HSD17B2: variants seen among roughly 807,000 people sequenced by gnomAD.
The protein encoded by HSD17B2 is hydroxysteroid 17-beta dehydrogenase 2.
In HSD17B2, 32 loss-of-function variants were observed where a neutral mutation model predicts 26.9. The observed-to-expected ratio is 1.19, with a 90% CI of 0.90 to 1.60. The LOEUF (loss-of-function observed/expected upper bound fraction) is 1.60, where lower values mean the gene tolerates loss of function less well. HSD17B2 is among the 40% of genes most tolerant of loss of function. HSD17B2 has a pLI of 0.00. For synonymous variants in HSD17B2, 246 were observed against 186.7 expected, an observed-to-expected ratio of 1.32 and a Z score of -2.59; for missense variants, 613 against 468.6, an observed-to-expected ratio of 1.31 and a Z score of -2.85.
intron 1 of HSD17B2, among the ~76,000 whole-genome samples, chr16:82,064,625 A>G (rs1213789873): frequency 2.6e-5 from 4 of 152,218 alleles, no homozygotes; most frequent in Non-Finnish European, 2.9e-5. Context: ...AGTAAGTGAA[A>G]AAGATGTTCA....
chr16:82,039,248 TACACACACACACACAC>T (rs56169712), intron 1 of HSD17B2, among the ~76,000 whole-genome samples: 1 of 145,288 alleles, frequency 6.9e-6, no homozygotes, highest in African/African-American at 2.6e-5. Context: ...TGGAAAATAA[TACACACACACACACAC>T]ACACACACGC....
chr16:82,088,741 G>A (rs919204476), intron 3 of HSD17B2, among the ~76,000 whole-genome samples: 5 of 152,160 alleles, frequency 3.3e-5, no homozygotes, highest in African/African-American at 7.2e-5. Context: ...ATAAAAATCC[G>A]CTGGCCATCT....
At chr16:82,062,566 A>G (rs563064956) in intron 1 of HSD17B2, among the ~76,000 whole-genome samples, 3 of 152,228 alleles carry the variant, frequency 2.0e-5, no homozygotes, top group Non-Finnish European at 4.4e-5. Flanking sequence ...GCCTGGCTCC[A>G]AACTACCTCT....
chr16:82,083,389 G>C (rs546891618), intron 3 of HSD17B2, among the ~76,000 whole-genome samples: 1 of 152,216 alleles, frequency 6.6e-6, no homozygotes, highest in South Asian at 2.1e-4. Flanking sequence ...AATGAAGACA[G>C]ACTGCCCGGG....
intron 3 of HSD17B2, among the ~76,000 whole-genome samples, chr16:82,085,276 C>T (rs942365568): frequency 3.3e-5 from 5 of 152,174 alleles, no homozygotes; most frequent in Non-Finnish European, 5.9e-5. Flanking sequence ...CTGAGATTTT[C>T]TTCCCTGACA....
At chr16:82,079,805 C>T (rs772383431) in intron 3 of HSD17B2, among the ~76,000 whole-genome samples, 4 of 152,198 alleles carry the variant, frequency 2.6e-5, no homozygotes, top group African/African-American at 9.6e-5. Flanking sequence ...ATATAACCAA[C>T]AAATCCACAG....
intron 1 of HSD17B2, among the ~76,000 whole-genome samples, chr16:82,063,626 T>A (rs1914503357): frequency 6.6e-6 from 1 of 152,198 alleles, no homozygotes; most frequent in Non-Finnish European, 1.5e-5. Context: ...TCTGACCACT[T>A]AATCTGCAAG....
chr16:82,075,384 G>C (rs550370341), intron 3 of HSD17B2, among the ~76,000 whole-genome samples: 17 of 151,700 alleles, frequency 1.1e-4, no homozygotes, highest in Non-Finnish European at 2.9e-5. Flanking sequence ...AAAAGAAGAA[G>C]ACAATACAAA....
chr16:82,073,459 C>A (rs183730427), intron 3 of HSD17B2, among the ~76,000 whole-genome samples: 63 of 152,198 alleles, frequency 4.1e-4, no homozygotes, highest in African/African-American at 1.4e-3. Context: ...CTCCCGACCT[C>A]GTGATCTGCC....
intron 1 of HSD17B2, among the ~76,000 whole-genome samples, chr16:82,038,141 T>C (rs1234598759): frequency 6.6e-6 from 1 of 152,138 alleles, no homozygotes; most frequent in Non-Finnish European, 1.5e-5. Flanking sequence ...AAGACAAATT[T>C]AAAAAAATGA....
At chr16:82,091,970 G>A (rs2142367583) in intron 4 of HSD17B2, 1 of 152,254 alleles carries the variant, frequency 6.6e-6, no homozygotes, top group Non-Finnish European at 1.5e-5. Flanking sequence ...TCCCTCAATG[G>A]TAGAGTTGTA....
Position 82,041,983 on chromosome 16 carries a change from CTTTCT to C in HSD17B2, c.265+6308_265+6312del, listed in dbSNP as rs1371317547. Among the ~76,000 whole-genome samples the C allele has an allele frequency of 5.9e-5, 9 of 151,376 alleles. 1 individual carries two copies. In the South Asian group the frequency reaches 6.3e-4, roughly 11 times the overall value. Reference sequence around the variant, plus strand: ...TCATCTCCTCTTGTGATCCTTTTCCCTTTCTTTTCTTTTCTTTTTTTTTTTTTTAA... The same window carrying C: ...TCATCTCCTCTTGTGATCCTTTTCCCTTTCTTTTCTTTTTTTTTTTTTTAA... On this transcript the variant is annotated intron_variant, in intron 1 of 4. Transcript: ENST00000199936.
At position 82,098,220 on chromosome 16, in the gene HSD17B2, G is replaced by T. The variant is rs1032380873; in HGVS notation, c.948G>T (p.Lys316Asn). ...TATTGATCAACTCGTTAGCCAGCAA[G>T]GACTTCTCTCCGGTGCTGCGGGACA... is the stretch of plus-strand genomic sequence containing the variant. The part of the protein sequence containing the change: ...FLLLINSLAS[K>N]DFSPVLRDIQ... Residue 316 changes from lysine (K) to asparagine (N), a missense_variant, in exon 5 of 5, where the codon AAG becomes AAT. Transcript: ENST00000199936. 13 of 1,614,062 alleles carry T rather than the reference G, an allele frequency of 8.1e-6. No homozygotes were observed. In the African/African-American group the frequency reaches 1.2e-4, roughly 15 times the overall value.
intron 1 of HSD17B2, among the ~76,000 whole-genome samples, chr16:82,042,716 G>A (rs8060661): frequency 6.6e-6 from 1 of 151,872 alleles, no homozygotes; most frequent in Non-Finnish European, 1.5e-5. Flanking sequence ...CCTCCTCCTG[G>A]GTTCAAGCAA....
intron 3 of HSD17B2, among the ~76,000 whole-genome samples, chr16:82,075,619 G>A (rs1011612749): frequency 6.6e-6 from 1 of 152,064 alleles, no homozygotes; most frequent in Admixed American, 6.6e-5. Flanking sequence ...GGAGAACCTA[G>A]AAGAGATGGA....
chr16:82,086,129 T>C (rs967518236), intron 3 of HSD17B2, among the ~76,000 whole-genome samples: 1 of 152,182 alleles, frequency 6.6e-6, no homozygotes, highest in East Asian at 1.9e-4. Flanking sequence ...CCTGGGTGTA[T>C]ATGTAAGAGA....
chr16:82,067,093 CA>C (rs1418494550), intron 1 of HSD17B2, among the ~76,000 whole-genome samples: 2 of 152,176 alleles, frequency 1.3e-5, no homozygotes, highest in African/African-American at 4.8e-5. Flanking sequence ...CAGTAGATTT[CA>C]GGCCCCTGTT....
intron 1 of HSD17B2, among the ~76,000 whole-genome samples, chr16:82,056,294 G>C (rs919733550): frequency 3.5e-4 from 54 of 152,128 alleles, no homozygotes; most frequent in African/African-American, 1.3e-3. Context: ...TCTCTTTTTT[G>C]TGTTATGCTA....
intron 1 of HSD17B2, among the ~76,000 whole-genome samples, chr16:82,041,630 A>C (rs941409762): frequency 6.6e-6 from 1 of 152,226 alleles, no homozygotes; most frequent in Non-Finnish European, 1.5e-5. Flanking sequence ...CTGCTCCAGC[A>C]CTGCCGACCA....
Sources: gnomAD v4.1 joint callset for allele counts (sites outside exome capture counted in the v4.1 genomes callset) on GRCh38, gnomAD v4.1.1 for gene constraint, MANE v1.5 for transcripts, NCBI Gene and HGNC (gene_info 2026-07-23, HGNC 2026-07-21) for gene names.